Variants in DYNAP observed in about 807,000 individuals in gnomAD.
DYNAP encodes dynactin-associated protein.
A neutral mutation model predicts 8.5 loss-of-function variants in DYNAP; 7 were observed. The observed-to-expected ratio is 0.82, with a 90% CI of 0.47 to 1.54. The LOEUF is 1.54. DYNAP is among the 40% of genes most tolerant of loss of function. The pLI is 0.01. For synonymous variants in DYNAP, 77 were observed against 77.9 expected, an observed-to-expected ratio of 0.99 and a Z score of 0.06; for missense variants, 256 against 224.3, an observed-to-expected ratio of 1.14 and a Z score of -0.90.
chr18:54,590,371 T>C (rs947204780), upstream of DYNAP, among the ~76,000 whole-genome samples: 3 of 152,176 alleles, frequency 2.0e-5, no homozygotes, highest in Admixed American at 6.6e-5. Flanking sequence ...CAATTTTTTT[T>C]CCCAGTTTTT....
In DYNAP at chr18:54,595,949, T is replaced by C. The variant is rs182316334; in HGVS notation, c.222+846T>C. Among the ~76,000 whole-genome samples the C allele has an allele frequency of 5.3e-5, 8 of 152,206 alleles. No homozygotes were observed. In the East Asian group the frequency reaches 1.5e-3, roughly 29 times the overall value. On this transcript the variant is annotated intron_variant, in intron 2 of 2. Transcript: ENST00000648945. ...GGACAATGTGAAAGAGTAAGCTCAG[T>C]AGGATGGAGTTAGAAAATGTTTCTT...
chr18:54,591,160 T>C (rs918009960), upstream of DYNAP: 7 of 1,585,494 alleles, frequency 4.4e-6, no homozygotes, highest in Non-Finnish European at 6.0e-6. Flanking sequence ...TCCACACTTG[T>C]ACTGATGCAT....
At chr18:54,578,704 A>G in the DYNAP span, among the ~76,000 whole-genome samples, 22 of 152,362 alleles carry the variant, frequency 1.4e-4, no homozygotes, top group East Asian at 1.2e-3. Context: ...GGCTTTTAAT[A>G]TAATAGAAGT....
upstream of DYNAP, among the ~76,000 whole-genome samples, chr18:54,586,221 A>G (rs1035950631): frequency 8.5e-5 from 13 of 152,116 alleles, no homozygotes; most frequent in African/African-American, 3.1e-4. Flanking sequence ...CATCCCTGAA[A>G]ACTGTAGTCC....
chr18:54,593,106 A>G (rs1911145233), intron 1 of DYNAP, among the ~76,000 whole-genome samples: 1 of 152,170 alleles, frequency 6.6e-6, no homozygotes, highest in Non-Finnish European at 1.5e-5. Flanking sequence ...CATGGGACTG[A>G]TATCTATTTC....
intron 1 of DYNAP, among the ~76,000 whole-genome samples, chr18:54,591,829 G>C (rs7235843): frequency 0.016 from 2,380 of 152,062 alleles, 63 homozygotes; most frequent in African/African-American, 0.054. Context: ...TGACTATTTT[G>C]TCTGCTTTTT....
chr18:54,582,560 A>G, the DYNAP span, among the ~76,000 whole-genome samples: 16 of 152,200 alleles, frequency 1.1e-4, no homozygotes, highest in African/African-American at 3.6e-4. Flanking sequence ...CAATCAATAA[A>G]ATAATTAGCC....
At chr18:54,595,550 T>A (rs1911252851) in intron 2 of DYNAP, among the ~76,000 whole-genome samples, 1 of 152,112 alleles carries the variant, frequency 6.6e-6, no homozygotes, top group Non-Finnish European at 1.5e-5. Flanking sequence ...CCTCCGAACC[T>A]GTGTGTGGCA....
chr18:54,589,066 C>A (rs1359213311), upstream of DYNAP, among the ~76,000 whole-genome samples: 2 of 152,006 alleles, frequency 1.3e-5, no homozygotes, highest in Non-Finnish European at 2.9e-5. Flanking sequence ...TATCAGTAGA[C>A]CAAAGAAATA....
Position 54,595,013 on chromosome 18 carries a change from T to C in DYNAP, c.132T>C (p.Ser44=). The C allele has an allele frequency of 6.2e-7, 1 of 1,612,882 alleles. No homozygotes were observed. Among genetic ancestry groups the C allele is most frequent in the Non-Finnish European group, 8.5e-7 (1 of 1,179,208 alleles). The part of the protein sequence containing the change: ...CWCLPSNDIT[S]DVSPNLTGVC... The stretch of plus-strand genomic sequence containing the variant: ...GTCTACCTTCAAATGATATAACCAG[T>C]GATGTCTCTCCCAACTTAACTGGGG... The change falls in exon 2 of 3, where the codon AGT becomes AGC. Residue 44 remains serine (S), a synonymous_variant. Transcript: ENST00000648945.
At chr18:54,597,776 TG>T (rs1313949509) in intron 2 of DYNAP, 36 bp from the exon 3 acceptor site, 1 of 1,554,248 alleles carries the variant, frequency 6.4e-7, no homozygotes, top group Admixed American at 1.9e-5. Context: ...CAAGCATTTT[TG>T]TTTTTCATTG....
chr18:54,597,674 A>G (rs1186141719), intron 2 of DYNAP, 139 bp from the exon 3 acceptor site: 2 of 888,734 alleles, frequency 2.3e-6, no homozygotes, highest in Non-Finnish European at 1.6e-6. Flanking sequence ...GCATGAAAAC[A>G]TGGACTTCAA....
chr18:54,588,128 C>G (rs1216347304), upstream of DYNAP, among the ~76,000 whole-genome samples: 1 of 151,866 alleles, frequency 6.6e-6, no homozygotes, highest in Non-Finnish European at 1.5e-5. Flanking sequence ...TCTTGTCTGT[C>G]TTGGTTGCTA....
rs113350226 is a variant in DYNAP, at chr18:54,597,283, T to C, written c.223-530T>C. Among the ~76,000 whole-genome samples the C allele has an allele frequency of 2.6e-3, 398 of 152,036 alleles. 4 individuals are homozygous for C. The highest frequency in any genetic ancestry group is 8.6e-3 in the African/African-American group (358 of 41,492). ...GAGGAATACAGAGGATTTTTTAGGG[T>C]AGTGAGACTGCTCTGCATGATACTG... On this transcript the variant is annotated intron_variant, in intron 2 of 2. Coordinates refer to ENST00000648945, the MANE Select transcript of DYNAP (RefSeq NM_173629.3).
chr18:54,578,575 A>G, the DYNAP span, among the ~76,000 whole-genome samples: 2 of 152,202 alleles, frequency 1.3e-5, no homozygotes, highest in Admixed American at 1.3e-4. Flanking sequence ...TGGAGAGGAA[A>G]CATGGGGAAT....
In DYNAP at chr18:54,598,039, C is replaced by T; in HGVS notation, c.449C>T (p.Thr150Ile). The T allele has an allele frequency of 6.2e-7, 1 of 1,613,568 alleles. No homozygotes were observed. The highest frequency in any genetic ancestry group is 8.5e-7 in the Non-Finnish European group (1 of 1,179,762). The change falls in exon 3 of 3, where the codon ACT becomes ATT. Residue 150 changes from threonine (T) to isoleucine (I), a missense_variant. Thr to Ile is a moderately conservative substitution (Grantham distance 89). Coordinates refer to ENST00000648945, the MANE Select transcript of DYNAP (RefSeq NM_173629.3). ...GCTTGTCCACCTACAATGACCACCA[C>T]TTCAACTGTACCTGCAAGTACAGCC... ...SPACPPTMTT[T>I]STVPASTATE...
At chr18:54,575,675 G>A in the DYNAP span, among the ~76,000 whole-genome samples, 9 of 152,088 alleles carry the variant, frequency 5.9e-5, no homozygotes, top group Admixed American at 5.9e-4. Context: ...CTGGCCTCAA[G>A]CAATCCTCCC....
chr18:54,598,064 C>A lies in DYNAP; in HGVS notation c.474C>A (p.Ala158=). The A allele has an allele frequency of 6.2e-7, 1 of 1,612,822 alleles. No individual in the cohort carries two copies. The highest frequency in any genetic ancestry group is 8.5e-7 in the Non-Finnish European group (1 of 1,179,374). Residue 158 remains alanine (A), a synonymous_variant, in exon 3 of 3, where the codon GCC becomes GCA. Coordinates refer to ENST00000648945, the MANE Select transcript of DYNAP (RefSeq NM_173629.3). ...TTTSTVPAST[A]TESTTSTATA... ...CTTCAACTGTACCTGCAAGTACAGC[C>A]ACTGAATCTACAACTTCAACAGCTA... is the stretch of plus-strand genomic sequence containing the variant.
the DYNAP span, among the ~76,000 whole-genome samples, chr18:54,578,647 A>G: frequency 2.6e-5 from 4 of 152,250 alleles, no homozygotes; most frequent in Admixed American, 2.6e-4. Context: ...CCATTTGGAT[A>G]TTGTGTTTAT....
Sources: allele counts gnomAD v4.1 joint callset (sites outside exome capture counted in the v4.1 genomes callset), GRCh38; gene constraint gnomAD v4.1.1; transcripts MANE v1.5; gene names NCBI Gene and HGNC (gene_info 2026-07-23, HGNC 2026-07-21).